Variants in DDX46 observed in about 807,000 individuals in gnomAD.
The protein encoded by DDX46 is probable ATP-dependent RNA helicase DDX46.
In DDX46, 30 loss-of-function variants were observed where a neutral mutation model predicts 134.9. The observed-to-expected ratio is 0.22, with a 90% CI of 0.17 to 0.30. The LOEUF (loss-of-function observed/expected upper bound fraction) is 0.30, where lower values mean the gene tolerates loss of function less well. Among genes scored for constraint, DDX46 ranks in the 10% least tolerant of loss-of-function variants. The pLI, the probability that DDX46 is intolerant of heterozygous loss-of-function variation, is 1.00. For missense variants in DDX46, 622 were observed against 1,248.7 expected (o/e 0.50, Z 7.56); for synonymous variants, 415 against 404.1 (o/e 1.03, Z -0.32).
intron 15 of DDX46, chr5:134,797,264 G>A (rs143322744): frequency 1.5e-4 from 34 of 221,926 alleles, no homozygotes; most frequent in Non-Finnish European, 2.8e-4. Context: ...GCTATCAGTA[G>A]CTTAGTAATG....
At chr5:134,812,059 CTTTTTTTTT>C (rs767502728) in intron 18 of DDX46, among the ~76,000 whole-genome samples, 1 of 99,042 alleles carries the variant, frequency 1.0e-5, no homozygotes, top group African/African-American at 3.7e-5. Flanking sequence ...GTGAAAAGTC[CTTTTTTTTT>C]TTTTTTTTTT....
Position 134,817,826 on chromosome 5 carries a change from T to C in DDX46, c.2832+112T>C, listed in dbSNP as rs1027354896. 8 of 830,754 alleles carry C rather than the reference T, an allele frequency of 9.6e-6. No homozygotes were observed. The African/African-American group carries it at 1.4e-4, about 14-fold the overall frequency. The allele number at this position is 830,754 out of a possible 1,614,324, so 51.5% of individuals were successfully genotyped here. A position where few individuals can be genotyped will look rare whatever the true frequency, so the allele number is the denominator to read the frequency against. On this transcript the variant is annotated intron_variant, in intron 20 of 22. Transcript: ENST00000452510. ...TTTAATAGCTCCTTCACTCTTTACC[T>C]AAATGGAGGATATAACAATAGAAAT...
rs1038805604 is a variant in DDX46 at position 134,787,633 on chromosome 5, G to A, written c.1465-880G>A. On this transcript the variant is annotated intron_variant, in intron 11 of 22. Coordinates refer to ENST00000452510, the MANE Select transcript of DDX46 (RefSeq NM_001300860.2). ...AAAATAACATGGTACATGCCTGCAC[G>A]TTGTATTTATATAAATGCCAAACAA... is the stretch of plus-strand genomic sequence containing the variant. Among the ~76,000 whole-genome samples the A allele has an allele frequency of 3.9e-5, 6 of 152,240 alleles. No homozygotes were observed. In the East Asian group the frequency reaches 1.2e-3, roughly 29 times the overall value.
intron 18 of DDX46, among the ~76,000 whole-genome samples, chr5:134,815,675 C>G (rs1755266967): frequency 7.4e-6 from 1 of 135,642 alleles, no homozygotes; most frequent in South Asian, 2.3e-4. Flanking sequence ...CCATTGCACT[C>G]CAGCCTGGGA....
intron 3 of DDX46, among the ~76,000 whole-genome samples, chr5:134,768,422 A>T (rs777631514): frequency 4.0e-5 from 6 of 151,220 alleles, no homozygotes; most frequent in African/African-American, 1.5e-4. Flanking sequence ...AAAAATTTTT[A>T]AATTGCTCTA....
chr5:134,773,930 G>C, intron 5 of DDX46, 69 bp downstream of exon 5: 1 of 1,385,234 alleles, frequency 7.2e-7, no homozygotes, highest in Non-Finnish European at 9.6e-7. Context: ...TATTTCATAA[G>C]GGGTTTTTAA....
intron 15 of DDX46, among the ~76,000 whole-genome samples, chr5:134,796,355 C>G (rs1032199035): frequency 1.3e-5 from 2 of 152,128 alleles, no homozygotes; most frequent in African/African-American, 2.4e-5. Context: ...TTGGTTTGAC[C>G]AAGTTCCATC....
intron 11 of DDX46, among the ~76,000 whole-genome samples, chr5:134,786,833 A>G (rs1285373432): frequency 2.6e-5 from 4 of 152,174 alleles, no homozygotes; most frequent in Non-Finnish European, 2.9e-5. Flanking sequence ...AGACAGAGCA[A>G]GACTCCATCT....
rs1561871561 is a variant in DDX46 at position 134,811,375 on chromosome 5, T to C, written c.2286+17T>C. The C allele has an allele frequency of 3.7e-6, 6 of 1,611,924 alleles. No individual in the cohort carries two copies. Among genetic ancestry groups the C allele is most frequent in the South Asian group, 2.2e-5 (2 of 90,848 alleles). On this transcript the variant is annotated intron_variant, in intron 17 of 22. Coordinates refer to ENST00000452510, the MANE Select transcript of DDX46 (RefSeq NM_001300860.2). The stretch of plus-strand genomic sequence containing the variant: ...CAGAAAGCTGTGAGTTTTTAACCCA[T>C]GTTACTCTTCTAGAAATCATTAATG...
intron 2 of DDX46, among the ~76,000 whole-genome samples, chr5:134,766,091 G>A (rs1753558712): frequency 6.6e-6 from 1 of 152,156 alleles, no homozygotes; most frequent in Admixed American, 6.6e-5. Context: ...TAGCAGGATA[G>A]AAATTCTTGC....
At chr5:134,821,759 G>A (rs1259882300) in intron 21 of DDX46, among the ~76,000 whole-genome samples, 2 of 151,324 alleles carry the variant, frequency 1.3e-5, no homozygotes, top group African/African-American at 4.9e-5. Context: ...GTTTCACCAT[G>A]TTGGCCAGGA....
At chr5:134,783,921 A>G (rs1189508448) in intron 9 of DDX46, among the ~76,000 whole-genome samples, 6 of 150,298 alleles carry the variant, frequency 4.0e-5, no homozygotes, top group Admixed American at 1.3e-4. Context: ...CTGGCCCCAA[A>G]TGATTCTCCC....
intron 16 of DDX46, 117 bp from the exon 17 acceptor site, chr5:134,811,104 C>CT: frequency 2.4e-6 from 2 of 844,408 alleles, no homozygotes; most frequent in Non-Finnish European, 3.5e-6. Flanking sequence ...TTTTAAAATT[C>CT]TTTAGTTAAT....
At chr5:134,778,605 G>A (rs1456954810) in intron 6 of DDX46, among the ~76,000 whole-genome samples, 1 of 151,716 alleles carries the variant, frequency 6.6e-6, no homozygotes, top group Non-Finnish European at 1.5e-5. Flanking sequence ...ACAGAGTCTC[G>A]CTCTATTGCC....
chr5:134,778,384 C>A lies in DDX46; in HGVS notation c.765+659C>A, dbSNP rs557840280. Among the ~76,000 whole-genome samples the A allele has an allele frequency of 2.0e-5, 3 of 152,078 alleles. No individual in the cohort carries two copies. In the South Asian group the frequency reaches 6.2e-4, roughly 32 times the overall value. On this transcript the variant is annotated intron_variant, in intron 6 of 22. Transcript: ENST00000452510. ...TTCCTCTTTTTCATAGCATTTATTA[C>A]ATTTTGACAAATTATATAATTTTTT...
chr5:134,807,139 T>G (rs168839), intron 15 of DDX46, among the ~76,000 whole-genome samples: 3,223 of 150,896 alleles, frequency 0.021, 62 homozygotes, highest in African/African-American at 0.051. Context: ...CGGCAACCTT[T>G]GCCTCCCAGG....
chr5:134,817,433 G>A (rs1238831384), intron 19 of DDX46, 63 bp from the exon 20 acceptor site: 2 of 1,484,330 alleles, frequency 1.3e-6, no homozygotes, highest in African/African-American at 1.4e-5. Context: ...ATAATTTGTG[G>A]TGTGGTCCCT....
intron 10 of DDX46, chr5:134,784,791 C>T: frequency 4.2e-6 from 1 of 240,790 alleles, no homozygotes. Flanking sequence ...TAAACTCTGA[C>T]TTGGCAGGTA....
chr5:134,828,562 C>A lies in DDX46; in HGVS notation c.3052-97C>A. The A allele has an allele frequency of 5.4e-6, 4 of 734,248 alleles. No homozygotes were observed. In the South Asian group the frequency reaches 1.1e-4, roughly 21 times the overall value. 45.5% of individuals were successfully genotyped at this position (734,248 alleles called of 1,614,324 possible). On this transcript the variant is annotated intron_variant, in intron 22 of 22. Coordinates refer to ENST00000452510, the MANE Select transcript of DDX46 (RefSeq NM_001300860.2). Reference sequence around the variant, plus strand: ...CAAAGGAAATGATCTTAAATATTTCCTTTTGGGTTTGTTTGGTTGGTTGGT... The same window carrying A: ...CAAAGGAAATGATCTTAAATATTTCATTTTGGGTTTGTTTGGTTGGTTGGT...
Sources: allele counts gnomAD v4.1 joint callset (sites outside exome capture counted in the v4.1 genomes callset), GRCh38; gene constraint gnomAD v4.1.1; transcripts MANE v1.5; gene names NCBI Gene and HGNC (gene_info 2026-07-23, HGNC 2026-07-21).